The following SETX variants were observed in gnomAD, a reference collection of about 807,000 sequenced individuals.
SETX encodes helicase senataxin.
A neutral mutation model predicts 227.2 loss-of-function variants in SETX; 90 were observed. The ratio of observed to expected loss-of-function variants is 0.40; its 90% CI spans 0.33 to 0.47. SETX has a LOEUF of 0.47. Ranked by LOEUF, SETX falls within the 20% of genes least tolerant of loss-of-function variation. The pLI, the probability that SETX is intolerant of heterozygous loss-of-function variation, is 0.91. For missense variants in SETX, 3,052 were observed against 3,181.5 expected, an observed-to-expected ratio of 0.96 and a Z score of 0.98; for synonymous variants, 1,210 against 1,113.2, an observed-to-expected ratio of 1.09 and a Z score of -1.73.
intron 20 of SETX, among the ~76,000 whole-genome samples, chr9:132,279,714 C>A (rs753422183): frequency 6.6e-6 from 1 of 152,162 alleles, no homozygotes; most frequent in Non-Finnish European, 1.5e-5. Flanking sequence ...CTCACAAAAC[C>A]TAATTTTTAA....
chr9:132,337,717 A>G (rs1287892967), intron 5 of SETX, among the ~76,000 whole-genome samples: 1 of 152,206 alleles, frequency 6.6e-6, no homozygotes, highest in Non-Finnish European at 1.5e-5. Flanking sequence ...ATTACTGTAC[A>G]ATCAATGTCA....
rs1282795604 is a variant in SETX, at chr9:132,333,432, C to T, written c.838+1176G>A. On this transcript the variant is annotated intron_variant, in intron 7 of 25. Transcript: ENST00000224140. ...AAATATATATACACACACACACACA[C>T]ACACACACACACACACACACACACA... 1.5e-3 allele frequency among the ~76,000 whole-genome samples: 212 copies of T among 137,320 alleles called. 1 individual carries two copies. Among genetic ancestry groups the T allele is most frequent in the African/African-American group, 4.7e-3 (168 of 35,938 alleles). 90.1% of individuals were successfully genotyped at this position (137,320 alleles called of 152,430 possible).
intron 15 of SETX, among the ~76,000 whole-genome samples, chr9:132,292,767 CTACAG>C (rs2131269752): frequency 6.6e-6 from 1 of 151,916 alleles, no homozygotes; most frequent in East Asian, 1.9e-4. Flanking sequence ...GTAGCTAGGA[CTACAG>C]TACTACAGGC....
At position 132,264,361 on chromosome 9, in the gene SETX, A is replaced by C. The variant is rs144706487; in HGVS notation, c.7912T>G (p.Phe2638Val). 11 of 1,613,910 alleles carry C rather than the reference A, an allele frequency of 6.8e-6. No individual in the cohort carries two copies. Among genetic ancestry groups the C allele is most frequent in the Admixed American group, 1.7e-5 (1 of 59,982 alleles). Residue 2638 changes from phenylalanine to valine, a missense_variant, in exon 26 of 26, where the codon TTC becomes GTC. Phe to Val is a conservative substitution (Grantham distance 50). Transcript: ENST00000224140. Reference sequence around the variant, plus strand: ...CACTTCTCCTGCTCCCCTTCACTGAAAGCCCTGGCCTCTCTCCTGTGACAG... The same window carrying C: ...CACTTCTCCTGCTCCCCTTCACTGACAGCCCTGGCCTCTCTCCTGTGACAG... Reference protein sequence around the residue: ...ELCHRREARAFSEGEQEKCGS... With the variant: ...ELCHRREARAVSEGEQEKCGS...
intron 15 of SETX, among the ~76,000 whole-genome samples, chr9:132,295,479 CT>C (rs1196568533): frequency 6.6e-6 from 1 of 152,172 alleles, no homozygotes; most frequent in Non-Finnish European, 1.5e-5. Context: ...GCAATCTCTG[CT>C]GCTCAAGTAC....
rs961181963 is a variant in SETX at position 132,277,942 on chromosome 9, G to A, written c.6842+128C>T. On this transcript the variant is annotated intron_variant, in intron 21 of 25. Transcript: ENST00000224140. ...TTCAACATGATGGCTATTATAACAG[G>A]ACAAAATTATTAACCCTTCATGATT... 4 of 938,526 alleles carry A rather than the reference G, an allele frequency of 4.3e-6. No homozygotes were observed. In the African/African-American group the frequency reaches 6.6e-5, roughly 15 times the overall value. The allele number at this position is 938,526 out of a possible 1,614,324, so 58.1% of individuals were successfully genotyped here.
intron 15 of SETX, among the ~76,000 whole-genome samples, chr9:132,294,047 A>T (rs902887955): frequency 8.6e-5 from 13 of 152,016 alleles, no homozygotes; most frequent in Admixed American, 3.9e-4. Flanking sequence ...TAAATAAATA[A>T]ATATCCAACC....
At chr9:132,277,357 A>G (rs527869980) in intron 21 of SETX, among the ~76,000 whole-genome samples, 3 of 152,318 alleles carry the variant, frequency 2.0e-5, no homozygotes, top group Non-Finnish European at 2.9e-5. Flanking sequence ...TGTCTATATC[A>G]TTAAAATATA....
chr9:132,342,649 A>C, intron 5 of SETX, 41 bp downstream of exon 5: 1 of 1,342,666 alleles, frequency 7.4e-7, no homozygotes. Flanking sequence ...ATAGGTACAA[A>C]AGCACAATAT....
chr9:132,326,090 C>CA (rs1176367244), intron 10 of SETX, among the ~76,000 whole-genome samples: 1 of 151,718 alleles, frequency 6.6e-6, no homozygotes, highest in Non-Finnish European at 1.5e-5. Context: ...TCTTTTGAGA[C>CA]AGAGTCTCAC....
chr9:132,296,355 C>T (rs1484094099), intron 14 of SETX, among the ~76,000 whole-genome samples: 2 of 152,118 alleles, frequency 1.3e-5, no homozygotes, highest in Admixed American at 1.3e-4. Flanking sequence ...GAGCTCGAGA[C>T]CAGCCTGGCC....
Position 132,283,255 on chromosome 9 carries a change from T to C in SETX, c.6546+9A>G. On this transcript the variant is annotated intron_variant, in intron 19 of 25. Coordinates refer to ENST00000224140, the MANE Select transcript of SETX (RefSeq NM_015046.7). ...GTAGTCAAAGTTGTATGGCTGACCG[T>C]TCACTGACCTCATCAACAATGACAC... is the stretch of plus-strand genomic sequence containing the variant. 1 of 1,614,026 alleles carries C rather than the reference T, an allele frequency of 6.2e-7. No homozygotes were observed. Among genetic ancestry groups the C allele is most frequent in the Non-Finnish European group, 8.5e-7 (1 of 1,180,000 alleles).
chr9:132,354,394 G>A (rs1290704325), intron 1 of SETX, among the ~76,000 whole-genome samples: 1 of 151,524 alleles, frequency 6.6e-6, no homozygotes, highest in East Asian at 1.9e-4. Context: ...TACTCGGGGG[G>A]ATGAGGCGGA....
chr9:132,349,196 T>C, intron 3 of SETX, 56 bp downstream of exon 3: 1 of 1,527,008 alleles, frequency 6.5e-7, no homozygotes, highest in East Asian at 2.2e-5. Flanking sequence ...AGTTCAAACT[T>C]ACTCTCTTCC....
At chr9:132,286,338 G>T in intron 18 of SETX, 85 bp downstream of exon 18, 1 of 955,606 alleles carries the variant, frequency 1.0e-6, no homozygotes, top group Non-Finnish European at 1.6e-6. Context: ...ATAAATAAAA[G>T]CCCATAGCTT....
intron 13 of SETX, 91 bp from the exon 14 acceptor site, chr9:132,297,145 T>G: frequency 9.1e-7 from 1 of 1,094,518 alleles, no homozygotes; most frequent in Non-Finnish European, 1.3e-6. Context: ...CCAAATTTCT[T>G]TCAATGCATG....
chr9:132,283,474 CTA>C lies in SETX; in HGVS notation c.6397-63_6397-62del, dbSNP rs1017225725. ...ACATCAATCCTTGACTATGACAGGC[CTA>C]TGTTTACTATAAAACACTCACTATT... On this transcript the variant is annotated intron_variant, in intron 18 of 25. Coordinates refer to ENST00000224140, the MANE Select transcript of SETX (RefSeq NM_015046.7). 45 of 1,570,468 alleles carry C rather than the reference CTA, an allele frequency of 2.9e-5. No individual in the cohort carries two copies. The African/African-American group carries it at 5.9e-4, about 21-fold the overall frequency.
upstream of SETX, among the ~76,000 whole-genome samples, chr9:132,355,518 G>A (rs149892352): frequency 9.8e-5 from 15 of 152,360 alleles, no homozygotes; most frequent in East Asian, 2.9e-3. Flanking sequence ...TAGGTCTTGC[G>A]AACAATGCGC....
chr9:132,268,447 G>A (rs1842749073), intron 25 of SETX, among the ~76,000 whole-genome samples: 1 of 152,210 alleles, frequency 6.6e-6, no homozygotes, highest in Non-Finnish European at 1.5e-5. Context: ...GCTGCAGTGA[G>A]CTGTGATTGT....
Sources: allele counts gnomAD v4.1 joint callset (sites outside exome capture counted in the v4.1 genomes callset), GRCh38; gene constraint gnomAD v4.1.1; transcripts MANE v1.5; gene names NCBI Gene and HGNC (gene_info 2026-07-23, HGNC 2026-07-21).